The following FAM184A variants were observed in gnomAD, a reference collection of about 807,000 sequenced individuals.
FAM184A encodes family with sequence similarity 184 member A, also known as protein FAM184A.
A neutral mutation model predicts 143.8 loss-of-function variants in FAM184A; 99 were observed. That is an observed-to-expected ratio of 0.69 (90% CI 0.58 to 0.81). FAM184A has a LOEUF of 0.81. Ranked by LOEUF, FAM184A falls within the 40% of genes least tolerant of loss-of-function variation. FAM184A has a pLI of 0.00. For synonymous variants in FAM184A, 427 were observed against 446.4 expected (o/e 0.96, Z 0.55); for missense variants, 1,217 against 1,310.5 (o/e 0.93, Z 1.10).
At chr6:119,128,977 T>C (rs1789453932) in intron 1 of FAM184A, among the ~76,000 whole-genome samples, 1 of 152,112 alleles carries the variant, frequency 6.6e-6, no homozygotes. Flanking sequence ...GGAGGCTTCA[T>C]TTATAAGAAC....
At chr6:119,069,921 A>G (rs1280280253) in intron 1 of FAM184A, among the ~76,000 whole-genome samples, 1 of 152,188 alleles carries the variant, frequency 6.6e-6, no homozygotes, top group African/African-American at 2.4e-5. Flanking sequence ...AATGCACTTT[A>G]TAGATGAAAT....
At chr6:119,105,050 A>T (rs1788745187) in intron 1 of FAM184A, among the ~76,000 whole-genome samples, 2 of 152,200 alleles carry the variant, frequency 1.3e-5, no homozygotes, top group Admixed American at 1.3e-4. Context: ...AGCCAAGGAG[A>T]GCCTAAGAGA....
chr6:118,986,110 G>A (rs1444169183), intron 9 of FAM184A, among the ~76,000 whole-genome samples: 3 of 152,070 alleles, frequency 2.0e-5, no homozygotes, highest in African/African-American at 2.4e-5. Flanking sequence ...TGGCTAACAC[G>A]GTGAAACCCC....
intron 9 of FAM184A, among the ~76,000 whole-genome samples, chr6:118,983,846 A>G (rs1784091783): frequency 6.6e-6 from 1 of 152,072 alleles, no homozygotes; most frequent in South Asian, 2.1e-4. Context: ...AATTTCAAAA[A>G]GAAAAAATTA....
chr6:119,143,340 C>T (rs543521727), intron 1 of FAM184A, among the ~76,000 whole-genome samples: 2 of 152,252 alleles, frequency 1.3e-5, no homozygotes, highest in African/African-American at 2.4e-5. Context: ...CATGAACTTG[C>T]TTTATGAGAT....
chr6:119,019,953 G>T (rs769318065), intron 4 of FAM184A, 25 bp downstream of exon 4: 2 of 1,496,288 alleles, frequency 1.3e-6, no homozygotes, highest in Non-Finnish European at 1.8e-6. Flanking sequence ...CTTTCGGGGG[G>T]AATGGAGTGT....
intron 1 of FAM184A, among the ~76,000 whole-genome samples, chr6:119,033,059 A>AT (rs1390806818): frequency 6.6e-6 from 1 of 152,092 alleles, no homozygotes; most frequent in African/African-American, 2.4e-5. Context: ...TATAAATATA[A>AT]TTTTTTTGCA....
At chr6:119,114,895 C>G (rs1201967700) in intron 1 of FAM184A, among the ~76,000 whole-genome samples, 1 of 152,188 alleles carries the variant, frequency 6.6e-6, no homozygotes, top group African/African-American at 2.4e-5. Context: ...CACTCTGTCT[C>G]CCAGGCTGGA....
At chr6:119,124,088 T>A (rs1789295952) in intron 1 of FAM184A, among the ~76,000 whole-genome samples, 1 of 152,232 alleles carries the variant, frequency 6.6e-6, no homozygotes, top group African/African-American at 2.4e-5. Context: ...ATTCTTTTTT[T>A]AAATTTAAAA....
chr6:119,022,838 C>T (rs1785496300), intron 3 of FAM184A, 107 bp downstream of exon 3: 1 of 1,358,338 alleles, frequency 7.4e-7, no homozygotes, highest in African/African-American at 1.5e-5. Flanking sequence ...GATTGAGCCA[C>T]TGCACTCCCG....
chr6:119,017,227 A>G (rs1443934195), intron 4 of FAM184A, among the ~76,000 whole-genome samples: 2 of 152,212 alleles, frequency 1.3e-5, no homozygotes, highest in Non-Finnish European at 2.9e-5. Context: ...GGCCGGGTGC[A>G]GTGGCTCACG....
At chr6:119,110,963 C>T (rs1159005541) in intron 1 of FAM184A, among the ~76,000 whole-genome samples, 1 of 150,002 alleles carries the variant, frequency 6.7e-6, no homozygotes, top group African/African-American at 2.5e-5. Flanking sequence ...CTCTGGTCAC[C>T]ACCTGTAACT....
chr6:119,099,236 G>T (rs73533328), intron 1 of FAM184A, among the ~76,000 whole-genome samples: 5,441 of 152,040 alleles, frequency 0.036, 159 homozygotes, highest in African/African-American at 0.071. Flanking sequence ...CGTATCCTTC[G>T]CAATCTCCTT....
chr6:118,982,286 T>C (rs1464002993), intron 9 of FAM184A, among the ~76,000 whole-genome samples: 1 of 152,156 alleles, frequency 6.6e-6, no homozygotes. Flanking sequence ...TCCCAGCAAG[T>C]TGGTTCTTGA....
At chr6:119,130,690 C>T (rs903406100) in intron 1 of FAM184A, among the ~76,000 whole-genome samples, 3 of 151,418 alleles carry the variant, frequency 2.0e-5, no homozygotes, top group African/African-American at 4.8e-5. Context: ...TTTAAACAAA[C>T]GTCAAATTGC....
At chr6:118,964,633 C>A in intron 16 of FAM184A, 34 bp downstream of exon 16, 3 of 1,216,512 alleles carry the variant, frequency 2.5e-6, no homozygotes, top group Non-Finnish European at 3.5e-6. Context: ...ACTTTTAAAC[C>A]ACATTCCTAT....
chr6:119,144,053 T>C (rs1772334655), intron 1 of FAM184A, among the ~76,000 whole-genome samples: 1 of 151,944 alleles, frequency 6.6e-6, no homozygotes, highest in African/African-American at 2.4e-5. Context: ...TTCAAGGAAA[T>C]ATTGTTTCTC....
chr6:118,962,052 G>A, intron 16 of FAM184A, 89 bp from the exon 17 acceptor site: 1 of 1,253,988 alleles, frequency 8.0e-7, no homozygotes, highest in South Asian at 1.3e-5. Flanking sequence ...TTTGGCATGG[G>A]AAAATTTTGG....
At chr6:119,131,790 CT>C (rs1562163062) in intron 1 of FAM184A, among the ~76,000 whole-genome samples, 3 of 151,826 alleles carry the variant, frequency 2.0e-5, no homozygotes, top group African/African-American at 7.2e-5. Context: ...GCCTTATACA[CT>C]TTTATAACCT....
Sources: allele counts gnomAD v4.1 joint callset (sites outside exome capture counted in the v4.1 genomes callset), GRCh38; gene constraint gnomAD v4.1.1; transcripts MANE v1.5; gene names NCBI Gene and HGNC (gene_info 2026-07-23, HGNC 2026-07-21).